Variants in NTSR1 observed in about 807,000 individuals in gnomAD.
The protein encoded by NTSR1 is neurotensin receptor type 1.
Under a neutral mutation model 31.2 loss-of-function variants are expected in NTSR1, and 29 were observed. The observed-to-expected ratio is 0.93, with a 90% CI of 0.69 to 1.27. NTSR1 has a LOEUF of 1.27. Among genes scored for constraint, NTSR1 ranks in the 50% most tolerant of loss-of-function variants. The pLI is 0.00. For missense variants in NTSR1, 697 were observed against 595.4 expected, an observed-to-expected ratio of 1.17 and a Z score of -1.78; for synonymous variants, 282 against 269.9, an observed-to-expected ratio of 1.04 and a Z score of -0.44.
At position 62,711,937 on chromosome 20, in the gene NTSR1, CCTG is replaced by C. The variant is rs1568694524; in HGVS notation, c.714+2018_714+2020del. Among the ~76,000 whole-genome samples, 3 of 152,232 alleles carry C rather than the reference CCTG, an allele frequency of 2.0e-5. No individual in the cohort carries two copies. The highest frequency in any genetic ancestry group is 7.2e-5 in the African/African-American group (3 of 41,466). On this transcript the variant is annotated intron_variant, in intron 1 of 3. Transcript: ENST00000370501. This position sits in a 1 kb window ranked among gnomAD's most constrained non-coding sequence, Gnocchi z 6.4. The stretch of plus-strand genomic sequence containing the variant: ...CAACCGTAGGACAGCGGCCCCACGC[CCTG>C]CAGACGCCATGCTGGCCGAGCGTTG...
At chr20:62,754,592 G>T (rs1397497305) in intron 1 of NTSR1, 93 bp from the exon 2 acceptor site, 20 of 1,031,524 alleles carry the variant, frequency 1.9e-5, no homozygotes, top group South Asian at 1.9e-4. Context: ...CACTGAGCAG[G>T]CCTGACACCC....
chr20:62,710,031 C>T, intron 1 of NTSR1, 110 bp downstream of exon 1: 1 of 978,676 alleles, frequency 1.0e-6, no homozygotes, highest in Non-Finnish European at 1.5e-6. Context: ...AGACAGTCTA[C>T]TCCTGCGAGG....
At chr20:62,731,115 G>A (rs142961703) in intron 1 of NTSR1, among the ~76,000 whole-genome samples, 3,158 of 151,836 alleles carry the variant, frequency 0.021, 112 homozygotes, top group African/African-American at 0.073. Flanking sequence ...ACGGAGTTTC[G>A]CTCTTGTTGC....
At chr20:62,729,388 G>T (rs567108349) in intron 1 of NTSR1, among the ~76,000 whole-genome samples, 370 of 152,318 alleles carry the variant, frequency 2.4e-3, no homozygotes, top group Admixed American at 3.9e-3. Context: ...TGCATGGAGC[G>T]GGGGCAGTCC....
intron 3 of NTSR1, 51 bp from the exon 4 acceptor site, chr20:62,759,966 TG>T: frequency 6.3e-7 from 1 of 1,594,450 alleles, no homozygotes; most frequent in Non-Finnish European, 8.6e-7. Context: ...CACCCTGCCT[TG>T]GGGCCCTCAA....
intron 1 of NTSR1, among the ~76,000 whole-genome samples, chr20:62,747,971 T>C (rs1033649363): frequency 2.6e-5 from 4 of 151,664 alleles, no homozygotes; most frequent in African/African-American, 9.7e-5. Context: ...AGGTCAGGGG[T>C]TTGAAACCAG....
At chr20:62,737,216 A>C (rs1989112037) in intron 1 of NTSR1, among the ~76,000 whole-genome samples, 1 of 152,148 alleles carries the variant, frequency 6.6e-6, no homozygotes, top group Non-Finnish European at 1.5e-5. Flanking sequence ...GGAGTTGTAA[A>C]GTTTCATCAG....
At chr20:62,724,772 G>A (rs893349536) in intron 1 of NTSR1, among the ~76,000 whole-genome samples, 11 of 152,288 alleles carry the variant, frequency 7.2e-5, no homozygotes, top group African/African-American at 1.9e-4. Context: ...CACACTCCGC[G>A]GAGGCTCTAG....
Position 62,732,201 on chromosome 20 carries a change from C to A in NTSR1, c.714+22280C>A, listed in dbSNP as rs1989012064. Among the ~76,000 whole-genome samples, 1 of 151,886 alleles carries A rather than the reference C, an allele frequency of 6.6e-6. No homozygotes were observed. The highest frequency in any genetic ancestry group is 6.6e-5 in the Admixed American group (1 of 15,254). Reference sequence around the variant, plus strand: ...AAATCGGTAGTGTCCATCCTGTGAACTCACAGTATGACGTTAAATAGGAGT... The same window carrying A: ...AAATCGGTAGTGTCCATCCTGTGAAATCACAGTATGACGTTAAATAGGAGT... On this transcript the variant is annotated intron_variant, in intron 1 of 3. Coordinates refer to ENST00000370501, the MANE Select transcript of NTSR1 (RefSeq NM_002531.3). The surrounding 1 kb of genome is among the most constrained non-coding windows in gnomAD (Gnocchi z 4.0).
At chr20:62,710,598 G>C (rs563822981) in intron 1 of NTSR1, among the ~76,000 whole-genome samples, 7 of 152,098 alleles carry the variant, frequency 4.6e-5, no homozygotes, top group Non-Finnish European at 2.9e-5. Flanking sequence ...GTGTGGCGGC[G>C]GTGTTGTGGT....
intron 1 of NTSR1, among the ~76,000 whole-genome samples, chr20:62,749,966 C>T (rs1237217226): frequency 2.6e-5 from 4 of 152,158 alleles, no homozygotes; most frequent in Non-Finnish European, 2.9e-5. Flanking sequence ...GCAAAGGAAG[C>T]GGAATCCGGA....
intron 1 of NTSR1, among the ~76,000 whole-genome samples, chr20:62,747,078 C>T (rs1989313061): frequency 6.6e-6 from 1 of 152,232 alleles, no homozygotes; most frequent in African/African-American, 2.4e-5. Context: ...GATGGAAACA[C>T]AGTTCAGCAC....
chr20:62,721,734 A>C (rs528092831), intron 1 of NTSR1, among the ~76,000 whole-genome samples: 1 of 151,930 alleles, frequency 6.6e-6, no homozygotes, highest in African/African-American at 2.4e-5. Context: ...TTCAGCTCTC[A>C]CCTCTCTGAG....
chr20:62,719,736 G>A (rs139396506), intron 1 of NTSR1, among the ~76,000 whole-genome samples: 4 of 152,290 alleles, frequency 2.6e-5, no homozygotes, highest in South Asian at 2.1e-4. Flanking sequence ...TCATTTCGTC[G>A]TGTATTAGCT....
At position 62,758,508 on chromosome 20, in the gene NTSR1, G is replaced by A. The variant is rs1350969331; in HGVS notation, c.1007+152G>A. The A allele has an allele frequency of 2.0e-5, 14 of 688,092 alleles. No homozygotes were observed. The Admixed American group carries it at 2.3e-4, about 11-fold the overall frequency. 42.6% of individuals were successfully genotyped at this position (688,092 alleles called of 1,614,324 possible). ...CCCTGGGCAGGGTTGTGCTGTGACT[G>A]GGGCCGGGAGAAGGCCATGGAGGGA... On this transcript the variant is annotated intron_variant, in intron 3 of 3. Transcript: ENST00000370501. This position sits in a 1 kb window ranked among gnomAD's most constrained non-coding sequence, Gnocchi z 4.5.
At chr20:62,717,376 G>A (rs1301860258) in intron 1 of NTSR1, among the ~76,000 whole-genome samples, 5 of 152,336 alleles carry the variant, frequency 3.3e-5, no homozygotes, top group Middle Eastern at 3.4e-3. Flanking sequence ...AATGCTTCCC[G>A]AGAATAGGTG....
At chr20:62,747,771 CAA>C (rs59083716) in intron 1 of NTSR1, among the ~76,000 whole-genome samples, 1 of 151,072 alleles carries the variant, frequency 6.6e-6, no homozygotes, top group Non-Finnish European at 1.5e-5. Context: ...AAAACAAAAA[CAA>C]AAAAAAACTG....
chr20:62,741,734 GAGCCAC>G lies in NTSR1; in HGVS notation c.715-12946_715-12941del, dbSNP rs1181037085. Among the ~76,000 whole-genome samples the G allele has an allele frequency of 4.0e-5, 6 of 149,720 alleles. No individual in the cohort carries two copies. The highest frequency in any genetic ancestry group is 7.4e-5 in the Non-Finnish European group (5 of 68,026). On this transcript the variant is annotated intron_variant, in intron 1 of 3. Coordinates refer to ENST00000370501, the MANE Select transcript of NTSR1 (RefSeq NM_002531.3). This position sits in a 1 kb window ranked among gnomAD's most constrained non-coding sequence, Gnocchi z 4.3. ...GCTCAGTCCCTGAGAGGTCGCCAAG[GAGCCAC>G]AGCCTTGGACTAGATGCTCTCAAAA...
intron 1 of NTSR1, among the ~76,000 whole-genome samples, chr20:62,729,065 G>A (rs544822583): frequency 3.1e-4 from 47 of 152,338 alleles, no homozygotes; most frequent in African/African-American, 8.9e-4. Context: ...TGAGGGGCTC[G>A]TGCCCTGCAG....
Sources: allele counts gnomAD v4.1 joint callset (sites outside exome capture counted in the v4.1 genomes callset), GRCh38; gene constraint gnomAD v4.1.1; non-coding constraint Gnocchi (gnomAD v3.1); transcripts MANE v1.5; gene names NCBI Gene and HGNC (gene_info 2026-07-23, HGNC 2026-07-21).